The following ADRA1D variants were observed in gnomAD, a reference collection of about 807,000 sequenced individuals.
ADRA1D encodes the protein alpha-1D adrenergic receptor.
In ADRA1D, 22 loss-of-function variants were observed where a neutral mutation model predicts 18.6. The ratio of observed to expected loss-of-function variants is 1.19; its 90% CI spans 0.85 to 1.69. The LOEUF (loss-of-function observed/expected upper bound fraction) is 1.69. Ranked by LOEUF, ADRA1D falls within the 40% of genes most tolerant of loss-of-function variation. The pLI is 0.00. For missense variants in ADRA1D, 840 were observed against 840.7 expected, an observed-to-expected ratio of 1.00 and a Z score of 0.01; for synonymous variants, 376 against 388.2, an observed-to-expected ratio of 0.97 and a Z score of 0.37.
intron 1 of ADRA1D, among the ~76,000 whole-genome samples, chr20:4,225,974 C>T (rs1980789015): frequency 6.6e-6 from 1 of 152,248 alleles, no homozygotes; most frequent in African/African-American, 2.4e-5. Context: ...TCAAGAACAG[C>T]ATCGCTCAAT....
At position 4,222,074 on chromosome 20, in the gene ADRA1D, G is replaced by A. The variant is rs1428793970; in HGVS notation, c.1168C>T (p.Leu390Phe). 1 of 1,613,142 alleles carries A rather than the reference G, an allele frequency of 6.2e-7. No homozygotes were observed. Among genetic ancestry groups the A allele is most frequent in the African/African-American group, 1.3e-5 (1 of 74,792 alleles). ...SEGVFKVIFWLGYFNSCVNPL... is the reference protein window; with the variant it reads ...SEGVFKVIFWFGYFNSCVNPL... ...TTCACGCAGCTGTTGAAGTAGCCGA[G>A]CCAGAAGATGACCTTGAAGACGCCC... The change falls in exon 2 of 2, where the codon CTC becomes TTC. Residue 390 changes from leucine to phenylalanine, a missense_variant. Transcript: ENST00000379453. This position sits in a 1 kb window ranked among gnomAD's most constrained non-coding sequence, Gnocchi z 4.3.
chr20:4,237,005 A>G (rs1269614245), intron 1 of ADRA1D, among the ~76,000 whole-genome samples: 1 of 152,150 alleles, frequency 6.6e-6, no homozygotes, highest in Non-Finnish European at 1.5e-5. Context: ...TTGTTATAGC[A>G]GGAACAGGAA....
intron 1 of ADRA1D, among the ~76,000 whole-genome samples, chr20:4,240,062 A>C (rs1049567715): frequency 3.3e-5 from 5 of 152,216 alleles, no homozygotes; most frequent in African/African-American, 1.2e-4. Flanking sequence ...CAATCTTGAC[A>C]CCACAGAAAA....
chr20:4,221,602 G>A lies in ADRA1D; in HGVS notation c.1640C>T (p.Pro547Leu). ...GGTGGCGCCCTCGGCCACCTCGTGTGGGACGCCTAGGGACACAGCCTCCAC... is the reference window on the plus strand; with the variant it reads ...GGTGGCGCCCTCGGCCACCTCGTGTAGGACGCCTAGGGACACAGCCTCCAC... ...SEVEAVSLGV[P>L]HEVAEGATCQ... Residue 547 changes from proline to leucine, a missense_variant, in exon 2 of 2, where the codon CCA becomes CTA. Transcript: ENST00000379453. 2 of 1,613,388 alleles carry A rather than the reference G, an allele frequency of 1.2e-6. No homozygotes were observed. The highest frequency in any genetic ancestry group is 1.1e-5 in the South Asian group (1 of 91,064).
chr20:4,228,715 G>A (rs997587930), intron 1 of ADRA1D, among the ~76,000 whole-genome samples: 3 of 152,096 alleles, frequency 2.0e-5, no homozygotes, highest in Non-Finnish European at 4.4e-5. Flanking sequence ...CTAGGCACTC[G>A]CCCAGCCTTC....
At chr20:4,232,462 G>A (rs554184639) in intron 1 of ADRA1D, among the ~76,000 whole-genome samples, 5 of 152,306 alleles carry the variant, frequency 3.3e-5, no homozygotes, top group African/African-American at 7.2e-5. Flanking sequence ...CCTCAAGGGC[G>A]CCTTGCAGGG....
At position 4,248,435 on chromosome 20, in the gene ADRA1D, C is replaced by T. The variant is rs1981403633; in HGVS notation, c.523G>A (p.Val175Met). 2 of 1,611,638 alleles carry T rather than the reference C, an allele frequency of 1.2e-6. No individual in the cohort carries two copies. The highest frequency in any genetic ancestry group is 1.1e-5 in the South Asian group (1 of 90,742). Reference protein sequence around the residue: ...GRAFCDVWAAVDVLCCTASIL... With the variant: ...GRAFCDVWAAMDVLCCTASIL... The stretch of plus-strand genomic sequence containing the variant: ...GAGGCCGTGCAGCACAGCACGTCCA[C>T]GGCGGCCCATACGTCGCAGAAGGCG... Residue 175 changes from valine (V) to methionine (M), a missense_variant, in exon 1 of 2, where the codon GTG becomes ATG. Physicochemically the swap from Val to Met is conservative, Grantham distance 21 (BLOSUM62 1). Transcript: ENST00000379453.
chr20:4,245,781 G>C (rs908301077), intron 1 of ADRA1D, among the ~76,000 whole-genome samples: 3 of 152,126 alleles, frequency 2.0e-5, no homozygotes, highest in African/African-American at 7.2e-5. Context: ...GGGCTGGGGC[G>C]ATGGGCCTGG....
At position 4,222,285 on chromosome 20, in the gene ADRA1D, T is replaced by G. The variant is rs959773219; in HGVS notation, c.1112-155A>C. 9.7e-7 allele frequency: 1 copy of G among 1,026,196 alleles called. No homozygotes were observed. The highest frequency in any genetic ancestry group is 1.3e-6 in the Non-Finnish European group (1 of 748,890). 63.6% of individuals were successfully genotyped at this position (1,026,196 alleles called of 1,614,324 possible). On this transcript the variant is annotated intron_variant, in intron 1 of 1. Transcript: ENST00000379453. This position sits in a 1 kb window ranked among gnomAD's most constrained non-coding sequence, Gnocchi z 4.3. ...GCTGTAAATCAGGAGGTCCATGAAC[T>G]TGGATAGAGAAAAATAATAATTGTT...
chr20:4,231,087 CT>C (rs371623434), intron 1 of ADRA1D, among the ~76,000 whole-genome samples: 295 of 34,772 alleles, frequency 8.5e-3, no homozygotes, highest in East Asian at 0.038. Context: ...TCTCTCTTTT[CT>C]TTTCTTTTCT....
intron 1 of ADRA1D, among the ~76,000 whole-genome samples, chr20:4,225,832 A>T (rs1980786159): frequency 6.7e-6 from 1 of 149,338 alleles, no homozygotes; most frequent in Non-Finnish European, 1.5e-5. Context: ...GCTGAGACCT[A>T]GTGGGTTTTA....
At chr20:4,242,687 T>G (rs1981241653) in intron 1 of ADRA1D, among the ~76,000 whole-genome samples, 1 of 152,068 alleles carries the variant, frequency 6.6e-6, no homozygotes, top group Admixed American at 6.6e-5. Context: ...CTTGTATGCC[T>G]TGAGGTGCAT....
At chr20:4,237,731 TCACTG>T (rs1981127197) in intron 1 of ADRA1D, among the ~76,000 whole-genome samples, 1 of 150,104 alleles carries the variant, frequency 6.7e-6, no homozygotes, top group Non-Finnish European at 1.5e-5. Flanking sequence ...CCATCTCGGC[TCACTG>T]CACTGCAACC....
intron 1 of ADRA1D, among the ~76,000 whole-genome samples, chr20:4,226,163 G>A (rs936205142): frequency 1.3e-5 from 2 of 152,246 alleles, no homozygotes; most frequent in African/African-American, 4.8e-5. Context: ...ATGGCATATT[G>A]TAGTATGGCC....
chr20:4,248,238 G>C lies in ADRA1D; in HGVS notation c.720C>G (p.Pro240=), dbSNP rs1056705411. Reference sequence around the variant, plus strand: ...TGATACCGCAGAAGCGCTCGTCAGGGGGCACGGGCTCCTTCCAGCCCAGCA... The same window carrying C: ...TGATACCGCAGAAGCGCTCGTCAGGCGGCACGGGCTCCTTCCAGCCCAGCA... ...GPLLGWKEPV[P]PDERFCGITE... is the part of the protein sequence containing the mutation. The change falls in exon 1 of 2, where the codon CCC becomes CCG. Residue 240 remains proline, a synonymous_variant. Transcript: ENST00000379453. 5 of 1,604,666 alleles carry C rather than the reference G, an allele frequency of 3.1e-6. No homozygotes were observed. Among genetic ancestry groups the C allele is most frequent in the Non-Finnish European group, 3.4e-6 (4 of 1,176,032 alleles).
At position 4,221,645 on chromosome 20, in the gene ADRA1D, A is replaced by G; in HGVS notation, c.1597T>C (p.Cys533Arg). Reference sequence around the variant, plus strand: ...GCCTCCACCTCTGAGCGCTGGGCGCACGCTGCCTCTGCGCGCTGCGCGCCC... The same window carrying G: ...GCCTCCACCTCTGAGCGCTGGGCGCGCGCTGCCTCTGCGCGCTGCGCGCCC... ...AGGAQRAEAA[C>R]AQRSEVEAVS... The change falls in exon 2 of 2, where the codon TGC (cysteine) becomes CGC (arginine). Residue 533 changes from cysteine to arginine, a missense_variant. By Grantham distance (180) the Cys-to-Arg change is radical. Coordinates refer to ENST00000379453, the MANE Select transcript of ADRA1D (RefSeq NM_000678.4). The G allele has an allele frequency of 6.2e-7, 1 of 1,612,852 alleles. No individual in the cohort carries two copies. Among genetic ancestry groups the G allele is most frequent in the Non-Finnish European group, 8.5e-7 (1 of 1,179,530 alleles).
intron 1 of ADRA1D, among the ~76,000 whole-genome samples, chr20:4,244,985 C>G (rs867517943): frequency 6.6e-6 from 1 of 152,110 alleles, no homozygotes; most frequent in Non-Finnish European, 1.5e-5. Flanking sequence ...TCCTCCACCC[C>G]CCAATTCCCT....
intron 1 of ADRA1D, among the ~76,000 whole-genome samples, chr20:4,246,635 CATGG>C (rs1981342662): frequency 6.6e-6 from 1 of 152,164 alleles, no homozygotes; most frequent in African/African-American, 2.4e-5. Context: ...CACATGTCTG[CATGG>C]CCCCAGTTCC....
chr20:4,234,561 C>T (rs1258752070), intron 1 of ADRA1D, among the ~76,000 whole-genome samples: 3 of 152,194 alleles, frequency 2.0e-5, no homozygotes, highest in Admixed American at 6.5e-5. Context: ...AGTCTCCTCC[C>T]ACCCTGCCAG....
Sources: gnomAD v4.1 joint callset for allele counts (sites outside exome capture counted in the v4.1 genomes callset) on GRCh38, gnomAD v4.1.1 for gene constraint, Gnocchi (gnomAD v3.1) non-coding constraint, MANE v1.5 for transcripts, NCBI Gene and HGNC (gene_info 2026-07-23, HGNC 2026-07-21) for gene names.